SGSM1: variants seen among roughly 807,000 people sequenced by gnomAD.
SGSM1 encodes the protein RUN and TBC1 domain containing 2.
Under a neutral mutation model 133.8 loss-of-function variants are expected in SGSM1, and 73 were observed. The ratio of observed to expected loss-of-function variants is 0.55; its 90% CI spans 0.45 to 0.66. The LOEUF is 0.66. Ranked by LOEUF, SGSM1 falls within the 30% of genes least tolerant of loss-of-function variation. The pLI, the probability that SGSM1 is intolerant of heterozygous loss-of-function variation, is 0.00. For synonymous variants in SGSM1, 563 were observed against 573.0 expected (o/e 0.98, Z 0.25); for missense variants, 1,213 against 1,448.1 (o/e 0.84, Z 2.64).
chr22:24,810,884 G>C (rs1334300313), intron 2 of SGSM1, among the ~76,000 whole-genome samples: 1 of 152,150 alleles, frequency 6.6e-6, no homozygotes, highest in Admixed American at 6.6e-5. Context: ...TAAGAAGGTT[G>C]GAGAAAAACG....
At chr22:24,869,075 TG>T (rs1931629456) in intron 12 of SGSM1, among the ~76,000 whole-genome samples, 1 of 152,118 alleles carries the variant, frequency 6.6e-6, no homozygotes, top group African/African-American at 2.4e-5. Flanking sequence ...AGAGGTGGCC[TG>T]GGGTAGTGGC....
chr22:24,899,021 CAAA>C (rs11284624), intron 19 of SGSM1, among the ~76,000 whole-genome samples: 7,875 of 62,906 alleles, frequency 0.13, 911 homozygotes, highest in African/African-American at 0.33. Flanking sequence ...AGCAAGATCT[CAAA>C]AAAAAAAAAA....
chr22:24,868,452 G>C lies in SGSM1; in HGVS notation c.1071G>C (p.Gly357=), dbSNP rs1233826797. The change falls in exon 11 of 25, where the codon GGG becomes GGC. Residue 357 remains glycine (G), a synonymous_variant. Transcript: ENST00000400358. ...QRPPFRFPKG[G]HLLQFLSCLE... ...CGCCCTTCCGCTTCCCCAAGGGCGG[G>C]CACCTCCTGCAGTTCCTCTCGTGCC... 6.2e-7 allele frequency: 1 copy of C among 1,613,742 alleles called. No individual in the cohort carries two copies. Among genetic ancestry groups the C allele is most frequent in the East Asian group, 2.2e-5 (1 of 44,882 alleles).
chr22:24,910,575 A>C (rs905526551), intron 21 of SGSM1, among the ~76,000 whole-genome samples: 2 of 152,132 alleles, frequency 1.3e-5, no homozygotes, highest in African/African-American at 2.4e-5. Context: ...TGAGCCCAGG[A>C]GTTGGAGGTT....
chr22:24,868,102 G>A (rs958957036), intron 10 of SGSM1, among the ~76,000 whole-genome samples: 8 of 152,276 alleles, frequency 5.3e-5, no homozygotes, highest in South Asian at 4.2e-4. Context: ...TCTAGGGGGC[G>A]TCTTTTTCCT....
At chr22:24,922,366 G>A (rs1444147873) in intron 24 of SGSM1, among the ~76,000 whole-genome samples, 2 of 151,804 alleles carry the variant, frequency 1.3e-5, no homozygotes, top group East Asian at 3.9e-4. Context: ...ATTTTTAGTA[G>A]AGATGGGGTT....
chr22:24,817,213 C>A (rs1000573081), intron 2 of SGSM1, among the ~76,000 whole-genome samples: 2 of 152,142 alleles, frequency 1.3e-5, no homozygotes, highest in African/African-American at 4.8e-5. Flanking sequence ...CCTACAGTCC[C>A]GAGTGCTGCC....
intron 2 of SGSM1, among the ~76,000 whole-genome samples, chr22:24,808,695 G>T (rs540012360): frequency 6.6e-6 from 1 of 152,188 alleles, no homozygotes; most frequent in African/African-American, 2.4e-5. Context: ...ATCTTCCTCA[G>T]TTTCCTGCGC....
intron 3 of SGSM1, 116 bp from the exon 4 acceptor site, chr22:24,847,518 G>A (rs1367917370): frequency 3.1e-5 from 40 of 1,301,222 alleles, no homozygotes; most frequent in Non-Finnish European, 4.0e-5. Context: ...TAAGACAGAA[G>A]GTAAGAAGAT....
In SGSM1 at chr22:24,924,958, C is replaced by T. The variant is rs549289705; in HGVS notation, c.*684C>T. On this transcript the variant is annotated 3_prime_UTR_variant, in exon 25 of 25. Coordinates refer to ENST00000400358, the MANE Select transcript of SGSM1 (RefSeq NM_001098497.3). ...ATGTTCCCTGCAGGGCAAAATTGCC[C>T]CCATTTGAGAACCACTGGCTTGGAG... The T allele has an allele frequency of 6.6e-6, 1 of 152,326 alleles. No homozygotes were observed. Among genetic ancestry groups the T allele is most frequent in the African/African-American group, 2.4e-5 (1 of 41,540 alleles). The allele number at this position is 152,326 out of a possible 1,614,324, so 9.4% of individuals were successfully genotyped here. A position where few individuals can be genotyped will look rare whatever the true frequency, so the allele number is the denominator to read the frequency against.
At chr22:24,808,123 T>G (rs1263307994) in intron 2 of SGSM1, among the ~76,000 whole-genome samples, 1 of 149,906 alleles carries the variant, frequency 6.7e-6, no homozygotes, top group Admixed American at 6.6e-5. Flanking sequence ...GTGTTTTTTT[T>G]TTTTTTTTGA....
intron 24 of SGSM1, among the ~76,000 whole-genome samples, chr22:24,920,388 C>CA (rs1387939502): frequency 1.3e-5 from 2 of 152,196 alleles, no homozygotes; most frequent in African/African-American, 4.8e-5. Flanking sequence ...ATTTGAGTAA[C>CA]ACGAAAAAGA....
intron 2 of SGSM1, among the ~76,000 whole-genome samples, chr22:24,842,213 G>T (rs926979176): frequency 1.3e-5 from 2 of 152,122 alleles, no homozygotes; most frequent in African/African-American, 4.8e-5. Context: ...AGAGAGGTGT[G>T]CAAACGCTCT....
intron 22 of SGSM1, among the ~76,000 whole-genome samples, chr22:24,914,893 C>A (rs1175777106): frequency 1.3e-5 from 2 of 151,994 alleles, no homozygotes; most frequent in Non-Finnish European, 2.9e-5. Context: ...TTTGGTTTTG[C>A]TTTTGCTTTG....
chr22:24,866,464 T>A (rs73155781), intron 9 of SGSM1, among the ~76,000 whole-genome samples: 1,748 of 152,238 alleles, frequency 0.011, 11 homozygotes, highest in South Asian at 0.03. Flanking sequence ...AGATGCCAGT[T>A]AGAGAAAACG....
chr22:24,906,120 C>A (rs1018755877), intron 21 of SGSM1, among the ~76,000 whole-genome samples: 3 of 152,096 alleles, frequency 2.0e-5, no homozygotes, highest in Non-Finnish European at 4.4e-5. Context: ...ATGCAAAAAT[C>A]AATCAATTTA....
At chr22:24,877,802 CTTT>C (rs36036968) in intron 13 of SGSM1, among the ~76,000 whole-genome samples, 146 of 75,400 alleles carry the variant, frequency 1.9e-3, no homozygotes, top group African/African-American at 7.2e-3. Context: ...TTCTTTCTTT[CTTT>C]TTTTTTTTTT....
At chr22:24,890,325 G>A (rs1324257532) in intron 16 of SGSM1, among the ~76,000 whole-genome samples, 2 of 152,170 alleles carry the variant, frequency 1.3e-5, no homozygotes, top group South Asian at 2.1e-4. Flanking sequence ...TCCATCGTAA[G>A]TCGAGAAGCA....
chr22:24,808,454 C>G (rs1927545989), intron 2 of SGSM1, among the ~76,000 whole-genome samples: 1 of 152,192 alleles, frequency 6.6e-6, no homozygotes, highest in African/African-American at 2.4e-5. Flanking sequence ...CAACAACATC[C>G]TTGTCACTTT....
Sources: allele counts gnomAD v4.1 joint callset (sites outside exome capture counted in the v4.1 genomes callset), GRCh38; gene constraint gnomAD v4.1.1; transcripts MANE v1.5; gene names NCBI Gene and HGNC (gene_info 2026-07-23, HGNC 2026-07-21).